OGA: variants seen among roughly 807,000 people sequenced by gnomAD.
OGA encodes O-GlcNAcase, also known as protein O-GlcNAcase.
In OGA, 21 loss-of-function variants were observed where a neutral mutation model predicts 102.0. The ratio of observed to expected loss-of-function variants is 0.21; its 90% CI spans 0.15 to 0.30. The LOEUF (loss-of-function observed/expected upper bound fraction) is 0.30, where lower values mean the gene tolerates loss of function less well. Ranked by LOEUF, OGA falls within the 10% of genes least tolerant of loss-of-function variation. The pLI, the probability that OGA is intolerant of heterozygous loss-of-function variation, is 1.00. For missense variants in OGA, 765 were observed against 1,107.8 expected (o/e 0.69, Z 4.39); for synonymous variants, 408 against 378.2 (o/e 1.08, Z -0.91).
chr10:101,801,700 ATGAC>A, intron 7 of OGA, among the ~76,000 whole-genome samples: 1 of 152,330 alleles, frequency 6.6e-6, no homozygotes, highest in African/African-American at 2.4e-5. Context: ...GAGGATGACA[ATGAC>A]TGAGCCAAAC....
chr10:101,789,984 A>G (rs1564639376), intron 14 of OGA, among the ~76,000 whole-genome samples: 1 of 152,200 alleles, frequency 6.6e-6, no homozygotes, highest in African/African-American at 2.4e-5. Flanking sequence ...CAAAACAACA[A>G]CAACATATAC....
chr10:101,795,796 T>C (rs987670749), intron 10 of OGA: 3 of 638,068 alleles, frequency 4.7e-6, no homozygotes, highest in African/African-American at 2.0e-5. Context: ...CTAATGATAG[T>C]TGATGAGCTT....
At chr10:101,791,126 T>A (rs762427603) in intron 13 of OGA, 38 bp from the exon 14 acceptor site, 1 of 1,559,218 alleles carries the variant, frequency 6.4e-7, no homozygotes, top group Non-Finnish European at 8.7e-7. Context: ...AACTTTTCAG[T>A]TGCTAATATA....
At chr10:101,809,345 A>G (rs1363116828) in intron 4 of OGA, among the ~76,000 whole-genome samples, 1 of 152,204 alleles carries the variant, frequency 6.6e-6, no homozygotes, top group East Asian at 1.9e-4. Context: ...GGCAGTTCTT[A>G]TGCAAACTGA....
At chr10:101,793,057 A>G (rs2065276929) in intron 11 of OGA, 114 bp from the exon 12 acceptor site, 2 of 755,542 alleles carry the variant, frequency 2.6e-6, no homozygotes, top group Admixed American at 4.3e-5. Context: ...AGGCAGACCT[A>G]AAGAAGAGGG....
At position 101,790,947 on chromosome 10, in the gene OGA, C is replaced by T; in HGVS notation, c.2403G>A (p.Met801Ile). 1 of 1,613,564 alleles carries T rather than the reference C, an allele frequency of 6.2e-7. No homozygotes were observed. The highest frequency in any genetic ancestry group is 8.5e-7 in the Non-Finnish European group (1 of 1,179,616). The change falls in exon 14 of 16, where the codon ATG (methionine) becomes ATA (isoleucine). Residue 801 changes from methionine to isoleucine, a missense_variant. Transcript: ENST00000361464. ...CATTTGGCTTGGTATACTTCTCCTG[C>T]ATGAAGGGGATCCAGGAAATTTTAC... ...KKCKISWIPF[M>I]QEKYTKPNGD...
intron 4 of OGA, among the ~76,000 whole-genome samples, chr10:101,809,241 A>G (rs1287473811): frequency 2.6e-5 from 4 of 152,190 alleles, no homozygotes; most frequent in African/African-American, 9.7e-5. Flanking sequence ...TTGACCACCA[A>G]TCACCTAGAT....
rs760246336 is a variant in OGA, at chr10:101,810,265, G to A, written c.399C>T (p.Phe133=). Residue 133 remains phenylalanine (F), a synonymous_variant, in exon 4 of 16, where the codon TTC becomes TTT. Coordinates refer to ENST00000361464, the MANE Select transcript of OGA (RefSeq NM_012215.5). ...CCAATCCAGGTGAGATCGCATAGAT[G>A]AACTCTATCTCATATTCTCGTGCAG... The part of the protein sequence containing the change: ...ISAAREYEIE[F]IYAISPGLDI... 6.2e-7 allele frequency: 1 copy of A among 1,611,470 alleles called. No individual in the cohort carries two copies. The highest frequency in any genetic ancestry group is 1.7e-5 in the Admixed American group (1 of 60,002).
At chr10:101,796,823 C>T (rs1448078206) in intron 10 of OGA, among the ~76,000 whole-genome samples, 2 of 152,128 alleles carry the variant, frequency 1.3e-5, no homozygotes, top group East Asian at 3.9e-4. Context: ...CTCCTGATCT[C>T]AAGTGATCCA....
At chr10:101,813,497 A>C in intron 2 of OGA, 58 bp downstream of exon 2, 1 of 1,130,992 alleles carries the variant, frequency 8.8e-7, no homozygotes, top group East Asian at 2.5e-5. Context: ...TTCTTCAAAC[A>C]AAAGAAAATG....
intron 10 of OGA, chr10:101,797,452 A>C (rs1346299383): frequency 6.5e-6 from 1 of 153,914 alleles, no homozygotes; most frequent in Non-Finnish European, 1.4e-5. Flanking sequence ...TGGTAGAAGG[A>C]TAAAGAAAAA....
At chr10:101,787,138 T>G (rs1440375541) in intron 15 of OGA, among the ~76,000 whole-genome samples, 2 of 150,922 alleles carry the variant, frequency 1.3e-5, no homozygotes, top group African/African-American at 4.9e-5. Context: ...CACTTCGGCC[T>G]CCCGAAGTGC....
At position 101,799,007 on chromosome 10, in the gene OGA, G is replaced by A. The variant is rs779933781; in HGVS notation, c.1644C>T (p.Tyr548=). The change falls in exon 9 of 16, where the codon TAC becomes TAT. Residue 548 remains tyrosine (Y), a synonymous_variant. Coordinates refer to ENST00000361464, the MANE Select transcript of OGA (RefSeq NM_012215.5). The part of the protein sequence containing the change: ...FVPGPNEKPL[Y]TAEPVTLEDL... The stretch of plus-strand genomic sequence containing the variant: ...CCTCCAGGGTCACTGGTTCCGCAGT[G>A]TACAAAGGCTTTTCATTTGGACCTG... 29 of 1,614,212 alleles carry A rather than the reference G, an allele frequency of 1.8e-5. No homozygotes were observed. The East Asian group carries it at 5.6e-4, about 31-fold the overall frequency.
chr10:101,809,713 A>G (rs759343335), intron 4 of OGA, among the ~76,000 whole-genome samples: 1 of 150,358 alleles, frequency 6.7e-6, no homozygotes, highest in South Asian at 2.1e-4. Flanking sequence ...CTCAAAAAAA[A>G]AAAAAAAGAA....
At chr10:101,806,758 C>A (rs934208792) in intron 5 of OGA, among the ~76,000 whole-genome samples, 5 of 152,102 alleles carry the variant, frequency 3.3e-5, no homozygotes, top group Admixed American at 2.0e-4. Flanking sequence ...TTGATAATAT[C>A]ATAATAGAAC....
chr10:101,804,865 G>A (rs971193795), intron 6 of OGA, among the ~76,000 whole-genome samples: 1 of 152,072 alleles, frequency 6.6e-6, no homozygotes. Context: ...CCACAGCACT[G>A]GGATTACAGG....
intron 6 of OGA, among the ~76,000 whole-genome samples, chr10:101,804,811 A>G (rs1395238816): frequency 6.6e-6 from 1 of 151,850 alleles, no homozygotes; most frequent in Admixed American, 6.6e-5. Context: ...GGCTAATCTT[A>G]AACTCCTGGC....
chr10:101,787,550 T>C, intron 14 of OGA, 27 bp from the exon 15 acceptor site: 1 of 1,588,304 alleles, frequency 6.3e-7, no homozygotes, highest in Non-Finnish European at 8.6e-7. Context: ...CTCTTGACTT[T>C]CACAATAGTT....
chr10:101,790,230 G>A (rs1211339423), intron 14 of OGA, among the ~76,000 whole-genome samples: 1 of 142,828 alleles, frequency 7.0e-6, no homozygotes, highest in Non-Finnish European at 1.5e-5. Context: ...TACTTAAATT[G>A]TCCTGAGTAC....
Sources: gnomAD v4.1 joint callset for allele counts (sites outside exome capture counted in the v4.1 genomes callset) on GRCh38, gnomAD v4.1.1 for gene constraint, MANE v1.5 for transcripts, NCBI Gene and HGNC (gene_info 2026-07-23, HGNC 2026-07-21) for gene names.